Variants in LAMA1 observed in about 807,000 individuals in gnomAD.
LAMA1 encodes the protein laminin subunit alpha-1.
LAMA1 carries 219 observed loss-of-function variants against 348.7 expected under a neutral mutation model. The observed-to-expected ratio is 0.63, with a 90% CI of 0.56 to 0.70. LAMA1 has a LOEUF of 0.70. Ranked by LOEUF, LAMA1 falls within the 30% of genes least tolerant of loss-of-function variation. The pLI is 0.00. For synonymous variants in LAMA1, 1,487 were observed against 1,491.0 expected (o/e 1.00, Z 0.06); for missense variants, 3,744 against 3,888.0 (o/e 0.96, Z 0.99).
chr18:7,034,890 T>C (rs1164077887), intron 13 of LAMA1, among the ~76,000 whole-genome samples, 200 bp from the exon 14 acceptor site: 1 of 152,216 alleles, frequency 6.6e-6, no homozygotes, highest in Non-Finnish European at 1.5e-5. Flanking sequence ...AGAGGGGTTC[T>C]GGTAATAAAC....
chr18:7,060,019 C>T (rs558888440), intron 3 of LAMA1, among the ~76,000 whole-genome samples: 1 of 152,166 alleles, frequency 6.6e-6, no homozygotes, highest in African/African-American at 2.4e-5. Context: ...TAATAGGAGG[C>T]TAATTACCAA....
At chr18:7,059,165 C>T (rs919025356) in intron 3 of LAMA1, among the ~76,000 whole-genome samples, 1 of 152,226 alleles carries the variant, frequency 6.6e-6, no homozygotes, top group Admixed American at 6.5e-5. Flanking sequence ...GCTGGGATTA[C>T]AGGCATGAGC....
intron 1 of LAMA1, among the ~76,000 whole-genome samples, chr18:7,101,982 C>G (rs962581283): frequency 1.3e-5 from 2 of 151,964 alleles, no homozygotes; most frequent in African/African-American, 4.8e-5. Context: ...CTGGCCCCTA[C>G]AACAGTGACC....
intron 1 of LAMA1, among the ~76,000 whole-genome samples, chr18:7,094,144 G>C (rs2058250917): frequency 6.6e-6 from 1 of 152,094 alleles, no homozygotes; most frequent in Non-Finnish European, 1.5e-5. Flanking sequence ...TTCTGATGCA[G>C]TAGGTCTGGA....
chr18:7,105,701 C>CT (rs1463382831), intron 1 of LAMA1, among the ~76,000 whole-genome samples: 3 of 152,118 alleles, frequency 2.0e-5, no homozygotes, highest in Non-Finnish European at 4.4e-5. Context: ...ATGGAGGACA[C>CT]TTTTTAAATT....
At chr18:7,112,282 G>T (rs2143838286) in intron 1 of LAMA1, among the ~76,000 whole-genome samples, 1 of 152,226 alleles carries the variant, frequency 6.6e-6, no homozygotes, top group East Asian at 1.9e-4. Context: ...TTTACTAAAT[G>T]ATGTGTTAAT....
At chr18:7,073,144 C>G (rs774191678) in intron 3 of LAMA1, among the ~76,000 whole-genome samples, 1 of 152,234 alleles carries the variant, frequency 6.6e-6, no homozygotes, top group Non-Finnish European at 1.5e-5. Flanking sequence ...ACCAATTCCT[C>G]ACACTAAATT....
intron 61 of LAMA1, among the ~76,000 whole-genome samples, chr18:6,946,179 C>T (rs537616669): frequency 6.0e-4 from 91 of 152,100 alleles, no homozygotes; most frequent in African/African-American, 1.8e-3. Flanking sequence ...CAGAGTAATA[C>T]GCCACCACAA....
intron 53 of LAMA1, chr18:6,960,764 T>C (rs1296370467): frequency 2.0e-5 from 3 of 152,104 alleles, no homozygotes; most frequent in Non-Finnish European, 4.4e-5. Context: ...ATGTTTGGGT[T>C]CTGCAAACTT....
At chr18:7,039,067 A>G (rs1445959557) in intron 10 of LAMA1, 117 bp from the exon 11 acceptor site, 2 of 857,628 alleles carry the variant, frequency 2.3e-6, no homozygotes, top group Non-Finnish European at 4.0e-6. Flanking sequence ...ATAAACGTCC[A>G]AAGTAAAGGT....
chr18:6,946,280 C>A (rs1047292947), intron 61 of LAMA1, among the ~76,000 whole-genome samples: 2 of 152,150 alleles, frequency 1.3e-5, no homozygotes, highest in South Asian at 2.1e-4. Context: ...AGGATACCTA[C>A]TGCGTTATTT....
At chr18:7,098,392 C>T (rs1405491614) in intron 1 of LAMA1, among the ~76,000 whole-genome samples, 4 of 151,346 alleles carry the variant, frequency 2.6e-5, no homozygotes, top group East Asian at 4.0e-4. Context: ...GCCATCCCAC[C>T]TAGGAAGTGA....
At chr18:6,972,364 G>A (rs139207020) in intron 47 of LAMA1, among the ~76,000 whole-genome samples, 215 of 152,316 alleles carry the variant, frequency 1.4e-3, no homozygotes, top group African/African-American at 4.9e-3. Flanking sequence ...TTGGTGAGAG[G>A]AGAACTGATA....
intron 42 of LAMA1, among the ~76,000 whole-genome samples, chr18:6,979,710 T>C (rs561340880): frequency 2.8e-4 from 42 of 152,130 alleles, no homozygotes; most frequent in Middle Eastern, 6.8e-3. Context: ...CCATCCTGGC[T>C]AACACGGTGA....
chr18:6,989,665 C>T (rs1007280432), intron 36 of LAMA1, among the ~76,000 whole-genome samples: 2 of 151,584 alleles, frequency 1.3e-5, no homozygotes, highest in Non-Finnish European at 2.9e-5. Flanking sequence ...TAGAGGCCCT[C>T]GCCAATAGGG....
At chr18:7,098,170 G>C (rs1053813463) in intron 1 of LAMA1, among the ~76,000 whole-genome samples, 1 of 151,932 alleles carries the variant, frequency 6.6e-6, no homozygotes, top group African/African-American at 2.4e-5. Flanking sequence ...GCCCAGGCTG[G>C]AGTGCAGTGG....
At chr18:7,035,844 C>A in intron 13 of LAMA1, 143 bp downstream of exon 13, 1 of 709,248 alleles carries the variant, frequency 1.4e-6, no homozygotes, top group Non-Finnish European at 2.5e-6. Context: ...TCTCAGTAGT[C>A]CCCACGCAAG....
chr18:6,942,036 C>A lies in LAMA1; in HGVS notation c.*43G>T, dbSNP rs2057500552. The stretch of plus-strand genomic sequence containing the variant: ...CTTAATTCACACATACACTTCTCCT[C>A]AAAATATTAGCAATGATTCCAACTG... On this transcript the variant is annotated 3_prime_UTR_variant, in exon 63 of 63. Transcript: ENST00000389658. 6.2e-7 allele frequency: 1 copy of A among 1,610,792 alleles called. No homozygotes were observed. The highest frequency in any genetic ancestry group is 8.5e-7 in the Non-Finnish European group (1 of 1,177,578).
rs764352448 is a variant in LAMA1, at chr18:6,999,860, T to C, written c.4469+51A>G. The C allele has an allele frequency of 5.9e-6, 9 of 1,521,888 alleles. 1 individual carries two copies. Among genetic ancestry groups the C allele is most frequent in the African/African-American group, 2.7e-5 (2 of 72,992 alleles). 94.3% of individuals were successfully genotyped at this position (1,521,888 alleles called of 1,614,324 possible). On this transcript the variant is annotated intron_variant, in intron 31 of 62. Coordinates refer to ENST00000389658, the MANE Select transcript of LAMA1 (RefSeq NM_005559.4). ...TATAGTAAATATGCCCAATACCTTA[T>C]AAAAGAAACAGAGTGCCCAGGGATT...
Sources: allele counts gnomAD v4.1 joint callset (sites outside exome capture counted in the v4.1 genomes callset), GRCh38; gene constraint gnomAD v4.1.1; transcripts MANE v1.5; gene names NCBI Gene and HGNC (gene_info 2026-07-23, HGNC 2026-07-21).